Variants in RRP15 observed in about 807,000 individuals in gnomAD.
RRP15 encodes ribosomal RNA processing 15 homolog, also known as RRP15-like protein.
A neutral mutation model predicts 27.1 loss-of-function variants in RRP15; 18 were observed. The ratio of observed to expected loss-of-function variants is 0.66; its 90% CI spans 0.46 to 0.98. RRP15 has a LOEUF of 0.98. Ranked by LOEUF, RRP15 falls within the 50% of genes least tolerant of loss-of-function variation. The pLI, the probability that RRP15 is intolerant of heterozygous loss-of-function variation, is 0.00. For synonymous variants in RRP15, 107 were observed against 109.4 expected (o/e 0.98, Z 0.14); for missense variants, 359 against 337.8 (o/e 1.06, Z -0.49).
At chr1:218,322,816 C>T (rs564347239) in intron 4 of RRP15, among the ~76,000 whole-genome samples, 4 of 152,100 alleles carry the variant, frequency 2.6e-5, no homozygotes, top group South Asian at 2.1e-4. Context: ...CCTATGGGCT[C>T]GTTTTGCCCA....
intron 4 of RRP15, among the ~76,000 whole-genome samples, chr1:218,312,252 T>A (rs1656005185): frequency 6.6e-6 from 1 of 151,922 alleles, no homozygotes; most frequent in South Asian, 2.1e-4. Context: ...CTCAGAAGTT[T>A]GAGAGAAATT....
intron 4 of RRP15, among the ~76,000 whole-genome samples, chr1:218,318,104 C>G (rs1656118703): frequency 6.6e-6 from 1 of 152,036 alleles, no homozygotes; most frequent in South Asian, 2.1e-4. Context: ...TGTATTTCTA[C>G]TTAGGTTTAA....
chr1:218,285,322 A>G lies in RRP15; in HGVS notation c.6A>G (p.Ala2=). The G allele has an allele frequency of 1.2e-6, 2 of 1,612,142 alleles. No individual in the cohort carries two copies. Among genetic ancestry groups the G allele is most frequent in the Admixed American group, 1.7e-5 (1 of 59,666 alleles). The part of the protein sequence containing the change: M[A]AAAPDSRVSE... ...GACGCTTCCGGCGCAGAAAAATGGCAGCCGCCGCTCCGGACTCACGTGTGA... is the reference window on the plus strand; with the variant it reads ...GACGCTTCCGGCGCAGAAAAATGGCGGCCGCCGCTCCGGACTCACGTGTGA... The change falls in exon 1 of 5, where the codon GCA becomes GCG. Residue 2 remains alanine (A), a synonymous_variant. Coordinates refer to ENST00000366932, the MANE Select transcript of RRP15 (RefSeq NM_016052.4).
intron 1 of RRP15, among the ~76,000 whole-genome samples, chr1:218,289,573 C>T (rs1303588775): frequency 1.3e-5 from 2 of 152,248 alleles, no homozygotes; most frequent in African/African-American, 2.4e-5. Context: ...TACTCCCATC[C>T]AAGCTGGAAA....
Position 218,305,025 on chromosome 1 carries a change from C to T in RRP15, c.406-3C>T. 3 of 1,611,562 alleles carry T rather than the reference C, an allele frequency of 1.9e-6. No individual in the cohort carries two copies. The South Asian group carries it at 3.3e-5, about 18-fold the overall frequency. On this transcript the variant is annotated splice_region_variant and splice_polypyrimidine_tract_variant and intron_variant, in intron 2 of 4. Coordinates refer to ENST00000366932, the MANE Select transcript of RRP15 (RefSeq NM_016052.4). ...CTTTCACATAACAATATTTATAACGCAGCGTGATAAGAGGCTGGAGTGGGA... is the reference window on the plus strand; with the variant it reads ...CTTTCACATAACAATATTTATAACGTAGCGTGATAAGAGGCTGGAGTGGGA...
chr1:218,316,318 A>G (rs565867880), intron 4 of RRP15, among the ~76,000 whole-genome samples: 1 of 152,216 alleles, frequency 6.6e-6, no homozygotes, highest in South Asian at 2.1e-4. Context: ...GGCTGCCTGT[A>G]TTGGATTTTC....
intron 4 of RRP15, among the ~76,000 whole-genome samples, chr1:218,312,896 A>T (rs1026221632): frequency 5.3e-5 from 8 of 152,160 alleles, no homozygotes; most frequent in African/African-American, 1.9e-4. Context: ...GGAATGTAGG[A>T]TGTTTGCTAA....
chr1:218,299,516 C>T (rs1655776892), intron 1 of RRP15, among the ~76,000 whole-genome samples: 1 of 152,042 alleles, frequency 6.6e-6, no homozygotes, highest in South Asian at 2.1e-4. Context: ...CTTTGGCTGC[C>T]TTTACAGTAC....
At chr1:218,287,404 T>G (rs562229135) in intron 1 of RRP15, among the ~76,000 whole-genome samples, 9 of 152,302 alleles carry the variant, frequency 5.9e-5, no homozygotes, top group African/African-American at 1.9e-4. Flanking sequence ...TCAGCCACAT[T>G]ACGGGTTAAA....
intron 3 of RRP15, 134 bp from the exon 4 acceptor site, chr1:218,307,297 C>T (rs1655913660): frequency 1.6e-6 from 1 of 641,870 alleles, no homozygotes; most frequent in South Asian, 2.3e-5. Flanking sequence ...ACCACTTATC[C>T]CGTTCTTTCC....
In RRP15 at chr1:218,297,933, A is replaced by G. The variant is rs149321285; in HGVS notation, c.140-4361A>G. Among the ~76,000 whole-genome samples, 264 of 152,278 alleles carry G rather than the reference A, an allele frequency of 1.7e-3. 4 individuals are homozygous for G. In the East Asian group the frequency reaches 0.036, roughly 21 times the overall value. On this transcript the variant is annotated intron_variant, in intron 1 of 4. Transcript: ENST00000366932. ...AAATCATGCTTTTATGAAATCCCAA[A>G]CTTACTTTCTTTATGCCCAATTTTT... is the stretch of plus-strand genomic sequence containing the variant.
intron 4 of RRP15, among the ~76,000 whole-genome samples, chr1:218,322,778 A>C (rs571239743): frequency 6.6e-6 from 1 of 152,116 alleles, no homozygotes; most frequent in South Asian, 2.1e-4. Context: ...CTCTGTGACC[A>C]GTGGTGCCTT....
At chr1:218,304,202 G>T (rs1008574990) in intron 2 of RRP15, among the ~76,000 whole-genome samples, 4 of 152,120 alleles carry the variant, frequency 2.6e-5, no homozygotes, top group Non-Finnish European at 5.9e-5. Context: ...GATAAAAAAA[G>T]AAATTTTAAT....
At chr1:218,292,774 C>T (rs761821336) in intron 1 of RRP15, among the ~76,000 whole-genome samples, 3 of 152,208 alleles carry the variant, frequency 2.0e-5, no homozygotes, top group East Asian at 1.9e-4. Context: ...ATTCCCTAGA[C>T]GACTAGGGTC....
rs948397930 is a variant in RRP15 at position 218,332,054 on chromosome 1, C to T, written c.*963C>T. ...ATGACAGATTTATTTTAGGTGTTAG[C>T]CTATTTTTGCATGAGAGATTTACAG... On this transcript the variant is annotated 3_prime_UTR_variant, in exon 5 of 5. Transcript: ENST00000366932. 4 of 152,090 alleles carry T rather than the reference C, an allele frequency of 2.6e-5. No homozygotes were observed. The highest frequency in any genetic ancestry group is 9.6e-5 in the African/African-American group (4 of 41,472). The allele number at this position is 152,090 out of a possible 1,614,324, so 9.4% of individuals were successfully genotyped here.
rs2102522373 is a variant in RRP15 at position 218,337,921 on chromosome 1, T to A, written c.*6830T>A. On this transcript the variant is annotated 3_prime_UTR_variant, in exon 5 of 5. Coordinates refer to ENST00000366932, the MANE Select transcript of RRP15 (RefSeq NM_016052.4). Reference sequence around the variant, plus strand: ...GTTGAACATAAAAAATTTGACTCCCTTTCCATGTGTCCACTGTTTCCTTGT... The same window carrying A: ...GTTGAACATAAAAAATTTGACTCCCATTCCATGTGTCCACTGTTTCCTTGT... 1 of 152,294 alleles carries A rather than the reference T, an allele frequency of 6.6e-6. No individual in the cohort carries two copies. Among genetic ancestry groups the A allele is most frequent in the East Asian group, 1.9e-4 (1 of 5,184 alleles). 9.4% of individuals were successfully genotyped at this position (152,294 alleles called of 1,614,324 possible). A position where few individuals can be genotyped will look rare whatever the true frequency, so the allele number is the denominator to read the frequency against.
chr1:218,323,475 T>G (rs1319763650), intron 4 of RRP15, among the ~76,000 whole-genome samples: 1 of 152,136 alleles, frequency 6.6e-6, no homozygotes, highest in Non-Finnish European at 1.5e-5. Flanking sequence ...GAGTACCAAT[T>G]GGTCCATGGG....
At chr1:218,296,057 G>A (rs1453537353) in intron 1 of RRP15, among the ~76,000 whole-genome samples, 1 of 152,124 alleles carries the variant, frequency 6.6e-6, no homozygotes, top group African/African-American at 2.4e-5. Flanking sequence ...TAACTAGGGG[G>A]ATATGTATAC....
chr1:218,289,333 G>T (rs1369560756), intron 1 of RRP15, among the ~76,000 whole-genome samples: 1 of 152,168 alleles, frequency 6.6e-6, no homozygotes, highest in Non-Finnish European at 1.5e-5. Flanking sequence ...AGTGCTTCCA[G>T]TATATCATAT....
Sources: gnomAD v4.1 joint callset for allele counts (sites outside exome capture counted in the v4.1 genomes callset) on GRCh38, gnomAD v4.1.1 for gene constraint, MANE v1.5 for transcripts, NCBI Gene and HGNC (gene_info 2026-07-23, HGNC 2026-07-21) for gene names.